Variants in WWOX observed in about 807,000 individuals in gnomAD.
WWOX encodes WW domain containing oxidoreductase, also known as WW domain-containing oxidoreductase.
In WWOX, 69 loss-of-function variants were observed where a neutral mutation model predicts 46.2. That is an observed-to-expected ratio of 1.49 (90% CI 1.23 to 1.82). The LOEUF is 1.82. Ranked by LOEUF, WWOX falls within the 40% of genes most tolerant of loss-of-function variation. WWOX has a pLI of 0.00. For synonymous variants in WWOX, 359 were observed against 202.6 expected, an observed-to-expected ratio of 1.77 and a Z score of -6.56; for missense variants, 919 against 542.6, an observed-to-expected ratio of 1.69 and a Z score of -6.89.
At chr16:79,002,200 T>C (rs1255635177) in intron 8 of WWOX, among the ~76,000 whole-genome samples, 2 of 149,436 alleles carry the variant, frequency 1.3e-5, no homozygotes, top group East Asian at 4.0e-4. Context: ...TTAGATTTCC[T>C]TGGGTGTCCT....
chr16:78,896,797 A>G (rs1413741257), intron 8 of WWOX: 1 of 152,166 alleles, frequency 6.6e-6, no homozygotes, highest in African/African-American at 2.4e-5. Flanking sequence ...ATATGCATAC[A>G]TATACATATA....
At chr16:78,396,380 A>G (rs963251064) in intron 6 of WWOX, among the ~76,000 whole-genome samples, 1 of 152,214 alleles carries the variant, frequency 6.6e-6, no homozygotes, top group Non-Finnish European at 1.5e-5. Context: ...ATGTGTTCGA[A>G]TTAACCACAC....
At chr16:78,815,373 C>A (rs1480259348) in intron 8 of WWOX, among the ~76,000 whole-genome samples, 1 of 151,952 alleles carries the variant, frequency 6.6e-6, no homozygotes, top group South Asian at 2.1e-4. Context: ...CTGACAAGGG[C>A]AGGAGCTGTT....
chr16:79,083,899 A>T (rs906091866), intron 8 of WWOX, among the ~76,000 whole-genome samples: 1 of 152,166 alleles, frequency 6.6e-6, no homozygotes, highest in East Asian at 1.9e-4. Context: ...ACATTTCTTC[A>T]TCTTCCTGCG....
intron 8 of WWOX, among the ~76,000 whole-genome samples, chr16:78,755,113 C>G (rs895333856): frequency 2.0e-5 from 3 of 151,664 alleles, no homozygotes; most frequent in Non-Finnish European, 2.9e-5. Context: ...GGCTTAAAAC[C>G]TAGATGACGG....
chr16:79,008,589 A>G (rs2047237630), intron 8 of WWOX, among the ~76,000 whole-genome samples: 1 of 152,122 alleles, frequency 6.6e-6, no homozygotes, highest in South Asian at 2.1e-4. Context: ...AGATGTTGAA[A>G]CTGAGACTTA....
chr16:78,806,711 C>T (rs1450240382), intron 8 of WWOX, among the ~76,000 whole-genome samples: 3 of 152,050 alleles, frequency 2.0e-5, no homozygotes, highest in Non-Finnish European at 4.4e-5. Context: ...AGTTACATAG[C>T]CCTAGGTTTT....
At chr16:78,794,498 C>A (rs954727476) in intron 8 of WWOX, among the ~76,000 whole-genome samples, 16 of 152,098 alleles carry the variant, frequency 1.1e-4, no homozygotes, top group African/African-American at 3.4e-4. Context: ...GGCAAAATAC[C>A]CAAACTCTCT....
At position 78,441,268 on chromosome 16, in the gene WWOX, G is replaced by GT. The variant is rs1418079348; in HGVS notation, c.1056+8521dup. Among the ~76,000 whole-genome samples the GT allele has an allele frequency of 2.0e-5, 3 of 152,074 alleles. No homozygotes were observed. The East Asian group carries it at 5.8e-4, about 29-fold the overall frequency. On this transcript the variant is annotated intron_variant, in intron 8 of 8. Coordinates refer to ENST00000566780, the MANE Select transcript of WWOX (RefSeq NM_016373.4). ...TGTCCCCCCTTCTCTTGACAGTGGT[G>GT]TTTTTGCCTTCACACTACTGTATCC...
chr16:78,624,708 G>T (rs1257592831), intron 8 of WWOX, among the ~76,000 whole-genome samples: 1 of 152,144 alleles, frequency 6.6e-6, no homozygotes, highest in East Asian at 1.9e-4. Context: ...TGCCTTTCAT[G>T]AACATAATAT....
chr16:78,726,414 C>CG (rs1166596109), intron 8 of WWOX, among the ~76,000 whole-genome samples: 2 of 151,806 alleles, frequency 1.3e-5, no homozygotes, highest in Non-Finnish European at 2.9e-5. Flanking sequence ...TTTGTGGAGA[C>CG]GGGGCGGGGA....
intron 5 of WWOX, among the ~76,000 whole-genome samples, chr16:78,183,395 C>T (rs527320651): frequency 3.3e-5 from 5 of 152,052 alleles, no homozygotes; most frequent in African/African-American, 9.7e-5. Flanking sequence ...TGGTTATGAG[C>T]GTGAAAGGTT....
intron 8 of WWOX, among the ~76,000 whole-genome samples, chr16:78,786,064 G>T (rs1011405699): frequency 6.6e-6 from 1 of 152,032 alleles, no homozygotes; most frequent in African/African-American, 2.4e-5. Context: ...CCACCACCAC[G>T]CCTGGCTAAT....
At chr16:78,273,421 T>C (rs2079518955) in intron 5 of WWOX, among the ~76,000 whole-genome samples, 1 of 152,170 alleles carries the variant, frequency 6.6e-6, no homozygotes, top group African/African-American at 2.4e-5. Context: ...GAGCCTGACC[T>C]CCACGGTACC....
At chr16:78,774,749 C>T (rs1185827601) in intron 8 of WWOX, among the ~76,000 whole-genome samples, 1 of 152,108 alleles carries the variant, frequency 6.6e-6, no homozygotes, top group African/African-American at 2.4e-5. Context: ...CACATGGGCA[C>T]ATATGATAGC....
At chr16:78,566,357 C>T (rs757832795) in intron 8 of WWOX, among the ~76,000 whole-genome samples, 8 of 152,158 alleles carry the variant, frequency 5.3e-5, no homozygotes, top group African/African-American at 1.7e-4. Context: ...CTAAGTGATT[C>T]AGAAAATAGC....
intron 8 of WWOX, among the ~76,000 whole-genome samples, chr16:78,556,719 T>G (rs985073073): frequency 6.6e-6 from 1 of 152,136 alleles, no homozygotes; most frequent in Non-Finnish European, 1.5e-5. Context: ...TTTATTTATT[T>G]TATTTTTATT....
At chr16:78,158,306 T>C (rs541248907) in intron 4 of WWOX, among the ~76,000 whole-genome samples, 1 of 152,342 alleles carries the variant, frequency 6.6e-6, no homozygotes, top group African/African-American at 2.4e-5. Context: ...TGGGTTTGGC[T>C]GAATTGCATA....
At chr16:78,911,779 T>C (rs1356498149) in intron 8 of WWOX, among the ~76,000 whole-genome samples, 1 of 151,976 alleles carries the variant, frequency 6.6e-6, no homozygotes, top group Non-Finnish European at 1.5e-5. Flanking sequence ...GGCAGGAGAA[T>C]CACTTGAACC....
Sources: gnomAD v4.1 joint callset for allele counts (sites outside exome capture counted in the v4.1 genomes callset) on GRCh38, gnomAD v4.1.1 for gene constraint, MANE v1.5 for transcripts, NCBI Gene and HGNC (gene_info 2026-07-23, HGNC 2026-07-21) for gene names.